The following LOC400499 variants were observed in gnomAD, a reference collection of about 807,000 sequenced individuals.
the LOC400499 span, among the ~76,000 whole-genome samples, chr16:11,443,917 G>C: frequency 1.8e-4 from 28 of 151,570 alleles, no homozygotes; most frequent in African/African-American, 6.8e-4. Context: ...TCACCGTAAC[G>C]TCTGCCTCCC....
chr16:11,485,205 C>G, the LOC400499 span: 1 of 397,536 alleles, frequency 2.5e-6, no homozygotes, highest in Non-Finnish European at 4.4e-6. Context: ...TGGTGCCCAC[C>G]TGGGCTGAGG....
At chr16:11,474,548 T>C in the LOC400499 span, among the ~76,000 whole-genome samples, 3 of 152,256 alleles carry the variant, frequency 2.0e-5, no homozygotes, top group Middle Eastern at 6.8e-3. Flanking sequence ...AGCATTATCA[T>C]TGACTGAAGT....
At chr16:11,384,465 G>T in the LOC400499 span, 1 of 431,508 alleles carries the variant, frequency 2.3e-6, no homozygotes, top group Non-Finnish European at 3.9e-6. Context: ...CCTCCACCCC[G>T]GACTCCTGGA....
At chr16:11,382,634 A>G in the LOC400499 span, among the ~76,000 whole-genome samples, 1 of 75,146 alleles carries the variant, frequency 1.3e-5, no homozygotes, top group Non-Finnish European at 3.0e-5. Flanking sequence ...TTTTCCCTAA[A>G]CAGTGGTGTA....
At chr16:11,440,734 A>G in the LOC400499 span, 1 of 399,042 alleles carries the variant, frequency 2.5e-6, no homozygotes, top group Non-Finnish European at 4.4e-6. Flanking sequence ...CTGGGATGTG[A>G]CGTTGTGATT....
the LOC400499 span, among the ~76,000 whole-genome samples, chr16:11,415,229 T>C: frequency 3.1e-4 from 47 of 152,184 alleles, no homozygotes; most frequent in African/African-American, 1.1e-3. Flanking sequence ...AGTTTCTTCT[T>C]TGACTTAAAC....
the LOC400499 span, chr16:11,384,154 C>G: frequency 8.2e-7 from 1 of 1,213,932 alleles, no homozygotes; most frequent in African/African-American, 1.6e-5. Flanking sequence ...TCCCGGGACT[C>G]TGCAGTGAGC....
chr16:11,446,440 G>A, the LOC400499 span: 1 of 995,958 alleles, frequency 1.0e-6, no homozygotes, highest in Non-Finnish European at 1.5e-6. Context: ...TTACAGGTGT[G>A]AGCCACTGCA....
chr16:11,484,289 G>C, the LOC400499 span, among the ~76,000 whole-genome samples: 1 of 152,094 alleles, frequency 6.6e-6, no homozygotes, highest in African/African-American at 2.4e-5. Context: ...TTACAGGCGT[G>C]AGCCACTACG....
At chr16:11,486,745 TG>T in the LOC400499 span, among the ~76,000 whole-genome samples, 1 of 33,654 alleles carries the variant, frequency 3.0e-5, no homozygotes, top group African/African-American at 4.4e-4. Flanking sequence ...GAATGGATAA[TG>T]GGTGGGTGGG....
At chr16:11,501,963 G>A in the LOC400499 span, 2 of 396,140 alleles carry the variant, frequency 5.0e-6, no homozygotes, top group South Asian at 2.8e-4. Context: ...GGGACGGGAT[G>A]ACGCATCAGC....
chr16:11,376,429 A>G, the LOC400499 span, among the ~76,000 whole-genome samples: 1 of 152,050 alleles, frequency 6.6e-6, no homozygotes, highest in African/African-American at 2.4e-5. Flanking sequence ...TAGTTTTCCC[A>G]ACACCATTTG....
the LOC400499 span, among the ~76,000 whole-genome samples, chr16:11,463,689 G>A: frequency 3.9e-5 from 6 of 152,142 alleles, no homozygotes; most frequent in Non-Finnish European, 7.4e-5. Context: ...GTACGGACAT[G>A]TGAACAGATA....
At chr16:11,422,136 C>A in the LOC400499 span, among the ~76,000 whole-genome samples, 3 of 152,222 alleles carry the variant, frequency 2.0e-5, no homozygotes, top group African/African-American at 7.2e-5. Flanking sequence ...GTACATGGCC[C>A]ATGCCTGTAA....
the LOC400499 span, chr16:11,398,350 T>C: frequency 8.1e-7 from 1 of 1,232,282 alleles, no homozygotes; most frequent in Non-Finnish European, 1.0e-6. Flanking sequence ...AGACTCACCC[T>C]GGGCAGGTCA....
At chr16:11,459,229 C>G in the LOC400499 span, among the ~76,000 whole-genome samples, 1 of 126,510 alleles carries the variant, frequency 7.9e-6, no homozygotes, top group African/African-American at 3.1e-5. Context: ...AGGAGTCTCG[C>G]TGTTTCGCCC....
the LOC400499 span, among the ~76,000 whole-genome samples, chr16:11,497,633 G>A: frequency 1.3e-5 from 2 of 152,198 alleles, no homozygotes. Context: ...CCAGATCTGT[G>A]AGCCACTTCC....
chr16:11,413,202 G>C, the LOC400499 span, among the ~76,000 whole-genome samples: 1 of 152,182 alleles, frequency 6.6e-6, no homozygotes, highest in African/African-American at 2.4e-5. Flanking sequence ...CGTCGACAGA[G>C]AATGTGCTCC....
chr16:11,519,950 G>A, the LOC400499 span, among the ~76,000 whole-genome samples: 8 of 152,144 alleles, frequency 5.3e-5, 1 homozygote, highest in South Asian at 8.3e-4. Context: ...TGATCCACCC[G>A]CCTCGGCCTC....
Sources: gnomAD v4.1 joint callset for allele counts (sites outside exome capture counted in the v4.1 genomes callset) on GRCh38, gnomAD v4.1.1 for gene constraint, MANE v1.5 for transcripts.